Variants in MARK2 observed in about 807,000 individuals in gnomAD.
MARK2 encodes serine/threonine-protein kinase MARK2.
In MARK2, 16 loss-of-function variants were observed where a neutral mutation model predicts 89.8. That is an observed-to-expected ratio of 0.18 (90% CI 0.12 to 0.27). The LOEUF (loss-of-function observed/expected upper bound fraction) is 0.27, where lower values mean the gene tolerates loss of function less well. Ranked by LOEUF, MARK2 falls within the 10% of genes least tolerant of loss-of-function variation. MARK2 has a pLI of 1.00. For missense variants in MARK2, 621 were observed against 1,049.9 expected, an observed-to-expected ratio of 0.59 and a Z score of 5.65; for synonymous variants, 382 against 399.5, an observed-to-expected ratio of 0.96 and a Z score of 0.52.
At chr11:63,871,364 T>C (rs914981626) in intron 1 of MARK2, among the ~76,000 whole-genome samples, 1 of 151,100 alleles carries the variant, frequency 6.6e-6, no homozygotes, top group African/African-American at 2.4e-5. Context: ...CAGGTGTGGC[T>C]GAAGAGTATT....
At chr11:63,851,935 G>A (rs2135212526) in intron 1 of MARK2, among the ~76,000 whole-genome samples, 1 of 152,310 alleles carries the variant, frequency 6.6e-6, no homozygotes, top group South Asian at 2.1e-4. Flanking sequence ...TCTTGGGAGA[G>A]ATCTGGAGAG....
chr11:63,897,615 A>G (rs1940520564), intron 3 of MARK2, among the ~76,000 whole-genome samples: 1 of 152,164 alleles, frequency 6.6e-6, no homozygotes. Context: ...ATCTTTCTTT[A>G]TGGAAATACA....
At chr11:63,873,673 T>G (rs1938581418) in intron 1 of MARK2, among the ~76,000 whole-genome samples, 1 of 151,982 alleles carries the variant, frequency 6.6e-6, no homozygotes, top group Non-Finnish European at 1.5e-5. Context: ...TGAGACGGAG[T>G]CTTGCTCTGT....
intron 1 of MARK2, among the ~76,000 whole-genome samples, chr11:63,855,217 C>T (rs894863977): frequency 1.3e-5 from 2 of 152,046 alleles, no homozygotes; most frequent in Admixed American, 6.6e-5. Context: ...GGTAAAAGAG[C>T]CATTCAAAGT....
chr11:63,880,121 A>AG (rs1324871323), intron 1 of MARK2: 11 of 113,890 alleles, frequency 9.7e-5, no homozygotes, highest in African/African-American at 2.7e-4. Context: ...ATAAATGCTG[A>AG]GTTTTTTTTT....
At chr11:63,908,329 G>C in intron 18 of MARK2, 25 bp downstream of exon 18, 1 of 1,549,878 alleles carries the variant, frequency 6.5e-7, no homozygotes. Context: ...GCCAGCACTG[G>C]CCCTGCCCGG....
chr11:63,864,757 T>C (rs1426641193), intron 1 of MARK2, among the ~76,000 whole-genome samples: 1 of 150,228 alleles, frequency 6.7e-6, no homozygotes, highest in African/African-American at 2.4e-5. Context: ...ACAGCTGTAT[T>C]CTCAGCACTT....
Position 63,839,258 on chromosome 11 carries a change from C to T in MARK2, c.-249C>T. The T allele has an allele frequency of 3.7e-6, 1 of 271,346 alleles. No homozygotes were observed. The highest frequency in any genetic ancestry group is 7.2e-5 in the East Asian group (1 of 13,962). The allele number at this position is 271,346 out of a possible 1,614,324, so 16.8% of individuals were successfully genotyped here. ...AGTAGGCGGAGCGGCGCGGCCCGGC[C>T]GAAAGGCGGCACAGCCCAGCCGGGG... On this transcript the variant is annotated 5_prime_UTR_variant, in exon 1 of 19. Coordinates refer to ENST00000402010, the MANE Select transcript of MARK2 (RefSeq NM_001039469.3).
Position 63,904,962 on chromosome 11 carries a change from C to G in MARK2, c.1853C>G (p.Ala618Gly). 6.2e-7 allele frequency: 1 copy of G among 1,614,212 alleles called. No individual in the cohort carries two copies. The highest frequency in any genetic ancestry group is 2.2e-5 in the East Asian group (1 of 44,882). The change falls in exon 16 of 19, where the codon GCC becomes GGC. Residue 618 changes from alanine to glycine, a missense_variant. Physicochemically the swap from Ala to Gly is moderately conservative, Grantham distance 60 (BLOSUM62 0). Coordinates refer to ENST00000402010, the MANE Select transcript of MARK2 (RefSeq NM_001039469.3). This position sits in a 1 kb window ranked among gnomAD's most constrained non-coding sequence, Gnocchi z 6.3. ...QQNLPYGVTPASPSGHSQGRR... is the reference protein window; with the variant it reads ...QQNLPYGVTPGSPSGHSQGRR... ...AATTTGCCCTACGGTGTGACCCCAG[C>G]CTCTCCCTCTGGCCACAGCCAGGGC... is the stretch of plus-strand genomic sequence containing the variant.
At chr11:63,895,425 C>T (rs1940292873) in intron 2 of MARK2, 87 bp downstream of exon 2, 1 of 1,485,518 alleles carries the variant, frequency 6.7e-7, no homozygotes, top group African/African-American at 1.4e-5. Context: ...CTGCAGCCAA[C>T]CTCTTGTTTA....
At position 63,905,950 on chromosome 11, in the gene MARK2, G is replaced by C. The variant is rs320116; in HGVS notation, c.1935-138G>C. The C allele has an allele frequency of 8.7e-6, 5 of 577,732 alleles. No individual in the cohort carries two copies. The Middle Eastern group carries it at 8.4e-4, about 97-fold the overall frequency. 35.8% of individuals were successfully genotyped at this position (577,732 alleles called of 1,614,324 possible). ...TCTGAAAGCCTGGGACTCTAGTCTC[G>C]CTGAGCGGCTCTTCCGAAAATGGGA... On this transcript the variant is annotated intron_variant, in intron 16 of 18. Transcript: ENST00000402010.
intron 1 of MARK2, among the ~76,000 whole-genome samples, chr11:63,851,281 C>T (rs1590969892): frequency 6.6e-6 from 1 of 152,102 alleles, no homozygotes; most frequent in South Asian, 2.1e-4. Context: ...CACATTGAAG[C>T]TGTGGCTGGG....
intron 1 of MARK2, among the ~76,000 whole-genome samples, chr11:63,873,109 G>A (rs1938553981): frequency 6.6e-6 from 1 of 152,016 alleles, no homozygotes; most frequent in South Asian, 2.1e-4. Flanking sequence ...TCTCCTTAGG[G>A]GTGATGGTGA....
chr11:63,850,315 A>ATTTTTTTTTTTTTTTTTTTTT (rs34074167), intron 1 of MARK2, among the ~76,000 whole-genome samples: 6 of 95,756 alleles, frequency 6.3e-5, no homozygotes, highest in Non-Finnish European at 7.8e-5. Flanking sequence ...TACCTGGCTA[A>ATTTTTTTTTTTTTTTTTTTTT]TTTTTTTTTT....
intron 1 of MARK2, among the ~76,000 whole-genome samples, chr11:63,879,922 CA>C (rs1938990103): frequency 6.6e-6 from 1 of 152,170 alleles, no homozygotes; most frequent in Non-Finnish European, 1.5e-5. Flanking sequence ...GAGAAAGATG[CA>C]GCAGGAAGAG....
chr11:63,864,322 G>A (rs1475358819), intron 1 of MARK2, among the ~76,000 whole-genome samples: 1 of 151,826 alleles, frequency 6.6e-6, no homozygotes, highest in African/African-American at 2.4e-5. Flanking sequence ...GCTTGATCTC[G>A]GCTCACCGCA....
Position 63,908,175 on chromosome 11 carries a change from C to A in MARK2, c.1962-85C>A, listed in dbSNP as rs957915706. The A allele has an allele frequency of 3.0e-6, 4 of 1,326,574 alleles. No homozygotes were observed. In the African/African-American group the frequency reaches 5.8e-5, roughly 19 times the overall value. The allele number at this position is 1,326,574 out of a possible 1,614,324, so 82.2% of individuals were successfully genotyped here. ...CCTGCCCACCCACTGGTGGCACCTC[C>A]CCAGACCCACTCTCATCTGGGTCTG... is the stretch of plus-strand genomic sequence containing the variant. On this transcript the variant is annotated intron_variant, in intron 17 of 18. Transcript: ENST00000402010.
chr11:63,854,186 CTGTGTGTGTGTGTGTG>C (rs55689743), intron 1 of MARK2, among the ~76,000 whole-genome samples: 2 of 141,666 alleles, frequency 1.4e-5, no homozygotes, highest in South Asian at 2.3e-4. Context: ...ACTATTAATT[CTGTGTGTGTGTGTGTG>C]TGTGTGTGTG....
intron 1 of MARK2, chr11:63,888,810 T>C: frequency 1.6e-6 from 2 of 1,284,248 alleles, no homozygotes; most frequent in Middle Eastern, 2.8e-4. Flanking sequence ...TGTCGCCTGC[T>C]CTGGCTGAGT....
Sources: gnomAD v4.1 joint callset for allele counts (sites outside exome capture counted in the v4.1 genomes callset) on GRCh38, gnomAD v4.1.1 for gene constraint, Gnocchi (gnomAD v3.1) non-coding constraint, MANE v1.5 for transcripts, NCBI Gene and HGNC (gene_info 2026-07-23, HGNC 2026-07-21) for gene names.